SORL1: variants seen among roughly 807,000 people sequenced by gnomAD.
SORL1 encodes sortilin-related receptor.
In SORL1, 127 loss-of-function variants were observed where a neutral mutation model predicts 273.7. That is an observed-to-expected ratio of 0.46 (90% CI 0.40 to 0.54). The LOEUF is 0.54. SORL1 is among the 20% of genes least tolerant of loss of function. The probability of loss-of-function intolerance (pLI) is 0.00; values close to 1 mark genes in which losing one functional copy is unlikely to be tolerated. For synonymous variants in SORL1, 1,031 were observed against 1,067.4 expected, an observed-to-expected ratio of 0.97 and a Z score of 0.66; for missense variants, 2,494 against 2,846.1, an observed-to-expected ratio of 0.88 and a Z score of 2.81.
rs1216129340 is a variant in SORL1, at chr11:121,592,395, G to A, written c.4369+1239G>A. On this transcript the variant is annotated intron_variant, in intron 31 of 47. Coordinates refer to ENST00000260197, the MANE Select transcript of SORL1 (RefSeq NM_003105.6). ...AATCAGAATTTCTGGGTGGAGCCCA[G>A]GAGATCCCCATATGATTCTTAGGTT... Among the ~76,000 whole-genome samples the A allele has an allele frequency of 2.6e-5, 4 of 152,206 alleles. No individual in the cohort carries two copies. The East Asian group carries it at 7.7e-4, about 29-fold the overall frequency.
In SORL1 at chr11:121,520,692, G is replaced by T. The variant is rs377550239; in HGVS notation, c.1247G>T (p.Arg416Leu). Residue 416 changes from arginine (R) to leucine (L), a missense_variant, in exon 9 of 48, where the codon CGA (arginine) becomes CTA (leucine). Physicochemically the swap from Arg to Leu is moderately radical, Grantham distance 102 (BLOSUM62 -2). Coordinates refer to ENST00000260197, the MANE Select transcript of SORL1 (RefSeq NM_003105.6). ...FANEPFADFH[R>L]VEGLQGVYIA... ...AATGAACCATTTGCTGACTTCCACC[G>T]AGTGGAAGGATTGCAAGGAGTCTAC... 12 of 1,589,098 alleles carry T rather than the reference G, an allele frequency of 7.6e-6. No homozygotes were observed. The highest frequency in any genetic ancestry group is 1.0e-5 in the Non-Finnish European group (12 of 1,169,672).
At chr11:121,605,834 C>T (rs562228709) in intron 35 of SORL1, among the ~76,000 whole-genome samples, 8 of 152,324 alleles carry the variant, frequency 5.3e-5, no homozygotes, top group East Asian at 3.9e-4. Flanking sequence ...TCTACCTCTA[C>T]GTTCCTCCTC....
At chr11:121,492,884 A>G (rs1031622728) in intron 5 of SORL1, among the ~76,000 whole-genome samples, 1 of 150,360 alleles carries the variant, frequency 6.7e-6, no homozygotes, top group African/African-American at 2.5e-5. Flanking sequence ...GCTCACTGCA[A>G]CCTCCGTCTC....
intron 32 of SORL1, among the ~76,000 whole-genome samples, chr11:121,602,655 A>G (rs952091824): frequency 6.6e-6 from 1 of 152,236 alleles, no homozygotes; most frequent in African/African-American, 2.4e-5. Flanking sequence ...ACCCATGACC[A>G]CATGCCTGGG....
At chr11:121,547,417 CAAAAAAAAAA>C (rs67390938) in intron 14 of SORL1, among the ~76,000 whole-genome samples, 4 of 24,024 alleles carry the variant, frequency 1.7e-4, no homozygotes, top group Admixed American at 1.4e-3. Context: ...CAACCCTCAC[CAAAAAAAAAA>C]AAAAAAAAAA....
At chr11:121,544,413 A>C (rs1158977457) in intron 13 of SORL1, among the ~76,000 whole-genome samples, 2 of 152,214 alleles carry the variant, frequency 1.3e-5, no homozygotes, top group Non-Finnish European at 2.9e-5. Context: ...AAGTGTATGC[A>C]TAACTTTGTG....
Position 121,590,902 on chromosome 11 carries a change from A to C in SORL1, c.4214-99A>C. On this transcript the variant is annotated intron_variant, in intron 30 of 47. Coordinates refer to ENST00000260197, the MANE Select transcript of SORL1 (RefSeq NM_003105.6). Reference sequence around the variant, plus strand: ...GTCACTGGCCTCCCTCAGCAGGTACAGCTAAAACTGGGACATCCGCACTAG... The same window carrying C: ...GTCACTGGCCTCCCTCAGCAGGTACCGCTAAAACTGGGACATCCGCACTAG... 3.7e-6 allele frequency: 5 copies of C among 1,337,758 alleles called. No homozygotes were observed. In the South Asian group the frequency reaches 5.8e-5, roughly 16 times the overall value. The allele number at this position is 1,337,758 out of a possible 1,614,324, so 82.9% of individuals were successfully genotyped here.
intron 11 of SORL1, among the ~76,000 whole-genome samples, chr11:121,525,998 A>G (rs983517869): frequency 2.0e-5 from 3 of 152,224 alleles, no homozygotes; most frequent in African/African-American, 7.2e-5. Context: ...GCTGCATTCC[A>G]GCCTGGGCAA....
At chr11:121,612,939 T>C in intron 40 of SORL1, 107 bp downstream of exon 40, 1 of 762,098 alleles carries the variant, frequency 1.3e-6, no homozygotes, top group Non-Finnish European at 2.3e-6. Flanking sequence ...GGAGGTATTC[T>C]CTGGAAGCTG....
intron 12 of SORL1, among the ~76,000 whole-genome samples, chr11:121,540,633 G>A (rs1034876665): frequency 1.3e-5 from 2 of 151,864 alleles, no homozygotes; most frequent in Non-Finnish European, 2.9e-5. Flanking sequence ...TCCAAAATGC[G>A]TGTTCTCTTA....
chr11:121,483,693 C>T (rs1565310652), intron 3 of SORL1, among the ~76,000 whole-genome samples: 1 of 152,098 alleles, frequency 6.6e-6, no homozygotes, highest in Non-Finnish European at 1.5e-5. Context: ...GTTTGGCCTC[C>T]AGTAAACTTG....
chr11:121,501,865 G>A (rs1861713437), intron 6 of SORL1, among the ~76,000 whole-genome samples: 1 of 152,146 alleles, frequency 6.6e-6, no homozygotes, highest in Non-Finnish European at 1.5e-5. Context: ...TTCTTTCACA[G>A]TATAATGTTT....
At chr11:121,514,785 G>T (rs1325116026) in intron 8 of SORL1, among the ~76,000 whole-genome samples, 3 of 152,158 alleles carry the variant, frequency 2.0e-5, no homozygotes, top group Non-Finnish European at 4.4e-5. Context: ...AGGCACCAAC[G>T]TCATTGATCC....
intron 9 of SORL1, among the ~76,000 whole-genome samples, chr11:121,521,551 C>T (rs1298316068): frequency 6.6e-6 from 1 of 152,138 alleles, no homozygotes; most frequent in Non-Finnish European, 1.5e-5. Context: ...TAGGTTTCTT[C>T]TTCTGAGTTT....
intron 40 of SORL1, 115 bp downstream of exon 40, chr11:121,612,947 C>G: frequency 1.4e-6 from 1 of 693,854 alleles, no homozygotes; most frequent in Non-Finnish European, 2.6e-6. Flanking sequence ...TCTCTGGAAG[C>G]TGTTCTGTGT....
intron 25 of SORL1, among the ~76,000 whole-genome samples, chr11:121,580,925 T>G (rs1297035490): frequency 6.6e-6 from 1 of 150,962 alleles, no homozygotes; most frequent in Non-Finnish European, 1.5e-5. Context: ...ACACTTTTTT[T>G]TTTTTTTTTG....
chr11:121,562,431 A>G (rs1349606306), intron 21 of SORL1, among the ~76,000 whole-genome samples: 3 of 152,238 alleles, frequency 2.0e-5, no homozygotes, highest in Non-Finnish European at 4.4e-5. Context: ...GGAAGATTCC[A>G]GAAATAAACA....
Position 121,549,949 on chromosome 11 carries a change from TG to T in SORL1, c.2052-10del. 6.2e-7 allele frequency: 1 copy of T among 1,612,774 alleles called. No homozygotes were observed. The highest frequency in any genetic ancestry group is 8.5e-7 in the Non-Finnish European group (1 of 1,179,214). ...AACCGTGGCCTTAACAAAGCCCAAT[TG>T]CCTTTTTAGTGACTTCGGTTTCAAG... On this transcript the variant is annotated splice_polypyrimidine_tract_variant and intron_variant, in intron 14 of 47. Coordinates refer to ENST00000260197, the MANE Select transcript of SORL1 (RefSeq NM_003105.6).
At chr11:121,572,865 A>G (rs926401181) in intron 23 of SORL1, among the ~76,000 whole-genome samples, 1 of 152,130 alleles carries the variant, frequency 6.6e-6, no homozygotes, top group African/African-American at 2.4e-5. Context: ...CCACGAGCTC[A>G]ATTACAGAGA....
Sources: gnomAD v4.1 joint callset for allele counts (sites outside exome capture counted in the v4.1 genomes callset) on GRCh38, gnomAD v4.1.1 for gene constraint, MANE v1.5 for transcripts, NCBI Gene and HGNC (gene_info 2026-07-23, HGNC 2026-07-21) for gene names.